GRIN2C: variants seen among roughly 807,000 people sequenced by gnomAD.
GRIN2C encodes glutamate ionotropic receptor NMDA type subunit 2C, also known as glutamate receptor ionotropic, NMDA 2C.
A neutral mutation model predicts 77.7 loss-of-function variants in GRIN2C; 64 were observed. That is an observed-to-expected ratio of 0.82 (90% CI 0.67 to 1.01). The LOEUF (loss-of-function observed/expected upper bound fraction) is 1.01, where lower values mean the gene tolerates loss of function less well. GRIN2C is among the 50% of genes least tolerant of loss of function. The pLI, the probability that GRIN2C is intolerant of heterozygous loss-of-function variation, is 0.00. For missense variants in GRIN2C, 1,549 were observed against 1,486.0 expected (o/e 1.04, Z -0.70); for synonymous variants, 792 against 643.4 (o/e 1.23, Z -3.49).
rs983263694 is a variant in GRIN2C, at chr17:74,847,113, C to T, written c.2002-193G>A. The T allele has an allele frequency of 2.1e-5, 15 of 725,940 alleles. No individual in the cohort carries two copies. The highest frequency in any genetic ancestry group is 3.9e-4 in the Middle Eastern group (1 of 2,552). 45.0% of individuals were successfully genotyped at this position (725,940 alleles called of 1,614,324 possible). The stretch of plus-strand genomic sequence containing the variant: ...GGCCCAAGACAGGGAGAGACTTACC[C>T]AAGGCCTCTCAGCCGGTGGCCCTGA... On this transcript the variant is annotated intron_variant, in intron 9 of 12. Transcript: ENST00000293190. The surrounding 1 kb of genome is among the most constrained non-coding windows in gnomAD (Gnocchi z 5.2).
Position 74,854,723 on chromosome 17 carries a change from C to T in GRIN2C, c.370G>A (p.Gly124Arg), listed in dbSNP as rs1190774959. 6.2e-6 allele frequency: 10 copies of T among 1,610,002 alleles called. No homozygotes were observed. Among genetic ancestry groups the T allele is most frequent in the Admixed American group, 1.7e-5 (1 of 59,902 alleles). ...QTHVPILSIS[G>R]GSAVVLTPKE... ...GGGGTGAGGACCACAGCAGAGCCTC[C>T]GCTGATGCTGAGGATGGGCACATGG... is the stretch of plus-strand genomic sequence containing the variant. The change falls in exon 2 of 13, where the codon GGA (glycine) becomes AGA (arginine). Residue 124 changes from glycine to arginine, a missense_variant. Gly to Arg is a moderately radical substitution (Grantham distance 125). Around this residue, in one of 3 missense-constraint regions of GRIN2C, gnomAD observed 382 missense variants for 360.0 expected, o/e 1.06. Coordinates refer to ENST00000293190, the MANE Select transcript of GRIN2C (RefSeq NM_000835.6).
intron 1 of GRIN2C, among the ~76,000 whole-genome samples, chr17:74,855,442 T>C (rs1248179273): frequency 6.6e-6 from 1 of 152,160 alleles, no homozygotes; most frequent in Non-Finnish European, 1.5e-5. Flanking sequence ...AAAATGCTAG[T>C]CTGGGGTTCA....
intron 2 of GRIN2C, chr17:74,853,416 C>T (rs1292079281): frequency 6.6e-6 from 1 of 152,206 alleles, no homozygotes; most frequent in Non-Finnish European, 1.5e-5. Context: ...CGTGTGGACC[C>T]GATTTGGCTC....
intron 11 of GRIN2C, among the ~76,000 whole-genome samples, chr17:74,844,769 A>AC (rs925440657): frequency 1.3e-5 from 2 of 151,818 alleles, no homozygotes; most frequent in African/African-American, 2.4e-5. Context: ...CCCCCTGTGC[A>AC]CCCCCAGTAA....
In GRIN2C at chr17:74,849,296, G is replaced by A. The variant is rs2037557619; in HGVS notation, c.1645+484C>T. The stretch of plus-strand genomic sequence containing the variant: ...AGCTCTCTGCCACCTCACACTTCAT[G>A]TCCCACGTGGCCTCTGACAGGGAAC... On this transcript the variant is annotated intron_variant, in intron 7 of 12. Coordinates refer to ENST00000293190, the MANE Select transcript of GRIN2C (RefSeq NM_000835.6). This position sits in a 1 kb window ranked among gnomAD's most constrained non-coding sequence, Gnocchi z 4.6. 6.6e-6 allele frequency among the ~76,000 whole-genome samples: 1 copy of A among 152,106 alleles called. No homozygotes were observed. The highest frequency in any genetic ancestry group is 1.9e-4 in the East Asian group (1 of 5,180).
At chr17:74,860,059 G>T (rs1312942046), upstream of GRIN2C, among the ~76,000 whole-genome samples, 1 of 146,888 alleles carries the variant, frequency 6.8e-6, no homozygotes, top group East Asian at 2.2e-4. Flanking sequence ...CCCGAGTCCC[G>T]CAGTGGGGGG....
intron 4 of GRIN2C, chr17:74,851,257 C>G: frequency 5.6e-6 from 2 of 354,402 alleles, no homozygotes; most frequent in Non-Finnish European, 5.2e-6. Context: ...AAGCACTTGT[C>G]CCTGCATATT....
rs73997508 is a variant in GRIN2C, at chr17:74,849,739, C to T, written c.1645+41G>A. 2.8e-3 allele frequency: 4,473 copies of T among 1,587,438 alleles called. 99 individuals carry two copies. In the African/African-American group the frequency reaches 0.045, roughly 16 times the overall value. The stretch of plus-strand genomic sequence containing the variant: ...GCTGTACACACCCTCCTCGTGGGCC[C>T]CTCTGCCCCCGGAGCCGTCTCTGCC... On this transcript the variant is annotated intron_variant, in intron 7 of 12. Transcript: ENST00000293190. This position sits in a 1 kb window ranked among gnomAD's most constrained non-coding sequence, Gnocchi z 4.6.
rs80016270 is a variant in GRIN2C at position 74,855,071 on chromosome 17, C to T, written c.22G>A (p.Ala8Thr). 5,679 of 1,591,680 alleles carry T rather than the reference C, an allele frequency of 3.6e-3. 14 individuals carry two copies. Among genetic ancestry groups the T allele is most frequent in the Middle Eastern group, 0.014 (78 of 5,712 alleles). Residue 8 changes from alanine to threonine, a missense_variant, in exon 2 of 13, where the codon GCC becomes ACC. By Grantham distance (58) the Ala-to-Thr change is moderately conservative. Transcript: ENST00000293190. ...CCGAAGAGCGAGGTGAGCAACAGGG[C>T]CGGCCCCAGGGCCCCACCCATGTCC... MGGALGP[A>T]LLLTSLFGAW...
rs536465092 is a variant in GRIN2C at position 74,852,137 on chromosome 17, C to T, written c.874G>A (p.Gly292Ser). The T allele has an allele frequency of 4.3e-4, 623 of 1,450,706 alleles. No homozygotes were observed. Among genetic ancestry groups the T allele is most frequent in the Admixed American group, 7.9e-4 (31 of 39,060 alleles). The allele number at this position is 1,450,706 out of a possible 1,614,324, so 89.9% of individuals were successfully genotyped here. ...RLSLRQKVRDGVAILALGAHS... is the reference protein window; with the variant it reads ...RLSLRQKVRDSVAILALGAHS... ...GCGCCCAGGGCCAGAATGGCCACGC[C>T]GTCGCGCACCTTCTGGCGCAGGCTG... Residue 292 changes from glycine to serine, a missense_variant, in exon 3 of 13, where the codon GGC (glycine) becomes AGC (serine). Transcript: ENST00000293190.
In GRIN2C at chr17:74,847,195, GC is replaced by G. The variant is rs1567891020; in HGVS notation, c.2001+112del. 1 of 867,562 alleles carries G rather than the reference GC, an allele frequency of 1.2e-6. No individual in the cohort carries two copies. The highest frequency in any genetic ancestry group is 1.8e-6 in the Non-Finnish European group (1 of 555,414). 53.7% of individuals were successfully genotyped at this position (867,562 alleles called of 1,614,324 possible). On this transcript the variant is annotated intron_variant, in intron 9 of 12. Transcript: ENST00000293190. The surrounding 1 kb of genome is among the most constrained non-coding windows in gnomAD (Gnocchi z 5.2). ...TCAGCAGGCCCTGAAGCTTCTTCCT[GC>G]CCCAGCCTCCAGGTCAAATTCCCCA...
At position 74,847,874 on chromosome 17, in the gene GRIN2C, G is replaced by A. The variant is rs2037513061; in HGVS notation, c.1749C>T (p.Asn583=). 2.5e-6 allele frequency: 4 copies of A among 1,613,984 alleles called. No individual in the cohort carries two copies. The highest frequency in any genetic ancestry group is 3.4e-6 in the Non-Finnish European group (4 of 1,179,994). ...TACTCTTGCCTCTGGTGAGGTTCTG[G>A]TTGTAGCTGACAGGGCTGAAGTACT... ...MFEYFSPVSY[N]QNLTRGKKSG... is the part of the protein sequence containing the mutation. Residue 583 remains asparagine (N), a synonymous_variant, in exon 8 of 13, where the codon AAC becomes AAT. Transcript: ENST00000293190. This position sits in a 1 kb window ranked among gnomAD's most constrained non-coding sequence, Gnocchi z 5.2.
At position 74,843,252 on chromosome 17, in the gene GRIN2C, G is replaced by C; in HGVS notation, c.2885C>G (p.Pro962Arg). Residue 962 changes from proline to arginine, a missense_variant, in exon 13 of 13, where the codon CCG (proline) becomes CGG (arginine). By Grantham distance (103) the Pro-to-Arg change is moderately radical (BLOSUM62 -2). Around this residue, in one of 3 missense-constraint regions of GRIN2C, gnomAD observed 450 missense variants for 267.9 expected, o/e 1.68. Coordinates refer to ENST00000293190, the MANE Select transcript of GRIN2C (RefSeq NM_000835.6). ...AAGCGCCGCGCGACCCCCGTCTGGCGGTCCCCAGCCCGTGGGGCTCGGCTC... is the reference window on the plus strand; with the variant it reads ...AAGCGCCGCGCGACCCCCGTCTGGCCGTCCCCAGCCCGTGGGGCTCGGCTC... ...PPEPSPTGWG[P>R]PDGGRAALVR... 3 of 758,214 alleles carry C rather than the reference G, an allele frequency of 4.0e-6. No individual in the cohort carries two copies. Among genetic ancestry groups the C allele is most frequent in the Non-Finnish European group, 5.7e-6 (3 of 526,540 alleles). 47.0% of individuals were successfully genotyped at this position (758,214 alleles called of 1,614,324 possible). A position where few individuals can be genotyped will look rare whatever the true frequency, so the allele number is the denominator to read the frequency against.
chr17:74,860,498 C>T (rs1458715342), upstream of GRIN2C: 3 of 456,616 alleles, frequency 6.6e-6, no homozygotes, highest in Middle Eastern at 3.3e-4. Flanking sequence ...TTCAGGTTGC[C>T]GGGTGCCTTT....
chr17:74,857,125 A>G (rs2037840577), intron 1 of GRIN2C, among the ~76,000 whole-genome samples: 1 of 151,778 alleles, frequency 6.6e-6, no homozygotes, highest in African/African-American at 2.4e-5. Context: ...AGCACCTCCA[A>G]CCTCCTTTTT....
upstream of GRIN2C, chr17:74,861,408 G>A (rs2037952013): frequency 1.3e-5 from 2 of 151,866 alleles, no homozygotes; most frequent in Admixed American, 6.6e-5. Context: ...GGTGCCCCTC[G>A]CCCGCCGCTC....
chr17:74,844,531 T>C, intron 11 of GRIN2C, 23 bp from the exon 12 acceptor site: 1 of 1,606,404 alleles, frequency 6.2e-7, no homozygotes, highest in African/African-American at 1.3e-5. Flanking sequence ...GGTGTACACA[T>C]CTGGCTCAGG....
In GRIN2C at chr17:74,852,142, C is replaced by T. The variant is rs530427762; in HGVS notation, c.869G>A (p.Arg290His). ...CAGGGCCAGAATGGCCACGCCGTCG[C>T]GCACCTTCTGGCGCAGGCTGAGGCG... ...SWRLSLRQKVRDGVAILALGA... is the reference protein window; with the variant it reads ...SWRLSLRQKVHDGVAILALGA... The change falls in exon 3 of 13, where the codon CGC becomes CAC. Residue 290 changes from arginine to histidine, a missense_variant. Physicochemically the swap from Arg to His is conservative, Grantham distance 29. Transcript: ENST00000293190. 46 of 1,456,882 alleles carry T rather than the reference C, an allele frequency of 3.2e-5. No homozygotes were observed. The African/African-American group carries it at 6.3e-4, about 20-fold the overall frequency. 90.2% of individuals were successfully genotyped at this position (1,456,882 alleles called of 1,614,324 possible). A position where few individuals can be genotyped will look rare whatever the true frequency, so the allele number is the denominator to read the frequency against.
At chr17:74,854,642 C>A (rs112778549) in intron 2 of GRIN2C, 52 bp downstream of exon 2, 1 of 1,524,418 alleles carries the variant, frequency 6.6e-7, no homozygotes, top group Admixed American at 1.7e-5. Context: ...ACCCCCGACC[C>A]CAGCCTGGTT....
Sources: gnomAD v4.1 joint callset for allele counts (sites outside exome capture counted in the v4.1 genomes callset) on GRCh38, gnomAD v4.1.1 for gene constraint, gnomAD v4.1.1 regional missense constraint, Gnocchi (gnomAD v3.1) non-coding constraint, MANE v1.5 for transcripts, NCBI Gene and HGNC (gene_info 2026-07-23, HGNC 2026-07-21) for gene names.